The following NAALADL2 variants were observed in gnomAD, a reference collection of about 807,000 sequenced individuals.
NAALADL2 encodes the protein inactive N-acetylated-alpha-linked acidic dipeptidase-like protein 2.
NAALADL2 carries 76 observed loss-of-function variants against 87.2 expected under a neutral mutation model. The ratio of observed to expected loss-of-function variants is 0.87; its 90% CI spans 0.72 to 1.05. NAALADL2 has a LOEUF of 1.05. NAALADL2 is among the 50% of genes least tolerant of loss of function. NAALADL2 has a pLI of 0.00. For missense variants in NAALADL2, 1,089 were observed against 945.8 expected (o/e 1.15, Z -1.99); for synonymous variants, 354 against 331.0 (o/e 1.07, Z -0.75).
chr3:175,390,770 G>A (rs1330157757), intron 5 of NAALADL2, among the ~76,000 whole-genome samples: 2 of 152,052 alleles, frequency 1.3e-5, no homozygotes, highest in East Asian at 1.9e-4. Context: ...CTCTAGTTCA[G>A]GCAGTTAGCG....
chr3:175,423,053 T>TATATATATATA (rs1366026397), intron 5 of NAALADL2, among the ~76,000 whole-genome samples: 1 of 95,606 alleles, frequency 1.0e-5, no homozygotes, highest in Non-Finnish European at 1.9e-5. Flanking sequence ...ATATATATAT[T>TATATATATATA]TTTTTTTTTT....
chr3:175,164,130 A>T (rs1451595781), intron 2 of NAALADL2, among the ~76,000 whole-genome samples: 3 of 152,146 alleles, frequency 2.0e-5, no homozygotes, highest in Admixed American at 2.0e-4. Flanking sequence ...AAGACATTTT[A>T]AAAATGTCCA....
intron 5 of NAALADL2, among the ~76,000 whole-genome samples, chr3:175,365,610 T>C (rs10490875): frequency 6.8e-6 from 1 of 147,232 alleles, no homozygotes; most frequent in Non-Finnish European, 1.5e-5. Flanking sequence ...TGTTTGGTGG[T>C]CATCCTTCTC....
rs192946321 is a variant in NAALADL2 at position 174,509,819 on chromosome 3, A to G, written c.-183-40750A>G. 3.3e-5 allele frequency among the ~76,000 whole-genome samples: 5 copies of G among 151,846 alleles called. No individual in the cohort carries two copies. In the East Asian group the frequency reaches 9.7e-4, roughly 30 times the overall value. The stretch of plus-strand genomic sequence containing the variant: ...CCTTGATTATGCCCTTAAAGACCCT[A>G]TCTCCAAATACAGTCAGATTGAGGG... On this transcript the variant is annotated intron_variant, in intron 1 of 3. Transcript: ENST00000434257.
intron 10 of NAALADL2, among the ~76,000 whole-genome samples, chr3:175,577,092 G>A (rs998620369): frequency 6.6e-6 from 1 of 152,112 alleles, no homozygotes; most frequent in Non-Finnish European, 1.5e-5. Context: ...CTTATTATGT[G>A]TCTAATTCAT....
At chr3:175,271,608 A>G (rs1428353636) in intron 4 of NAALADL2, among the ~76,000 whole-genome samples, 3 of 152,142 alleles carry the variant, frequency 2.0e-5, no homozygotes, top group Non-Finnish European at 2.9e-5. Flanking sequence ...CCTGGCCAAG[A>G]TGGTGAAACC....
chr3:174,513,330 A>G (rs570734095), intron 1 of NAALADL2, among the ~76,000 whole-genome samples: 8 of 152,330 alleles, frequency 5.3e-5, no homozygotes, highest in Non-Finnish European at 1.2e-4. Context: ...TAGATAATTT[A>G]TTCTAAGTAT....
chr3:175,787,437 C>T (rs539971367), intron 13 of NAALADL2, among the ~76,000 whole-genome samples: 6 of 152,140 alleles, frequency 3.9e-5, no homozygotes, highest in South Asian at 2.1e-4. Context: ...TAAGCCGGTC[C>T]GAAAAGCACA....
intron 4 of NAALADL2, among the ~76,000 whole-genome samples, chr3:175,269,865 T>A (rs1415990068): frequency 6.6e-6 from 1 of 152,204 alleles, no homozygotes; most frequent in Admixed American, 6.5e-5. Context: ...ATCATGGTTC[T>A]TTACTACCAA....
intron 1 of NAALADL2, among the ~76,000 whole-genome samples, chr3:174,467,461 C>T (rs1253840190): frequency 1.3e-5 from 2 of 151,738 alleles, no homozygotes; most frequent in South Asian, 2.1e-4. Context: ...GGTGTGGTGG[C>T]GGATGCCTAT....
chr3:174,947,064 T>C (rs1739536414), intron 1 of NAALADL2, among the ~76,000 whole-genome samples: 1 of 152,160 alleles, frequency 6.6e-6, no homozygotes, highest in African/African-American at 2.4e-5. Flanking sequence ...ATCCTTGATA[T>C]ATAACTGTGC....
intron 1 of NAALADL2, among the ~76,000 whole-genome samples, chr3:174,521,834 A>T (rs1197287695): frequency 6.6e-6 from 1 of 152,110 alleles, no homozygotes; most frequent in Non-Finnish European, 1.5e-5. Flanking sequence ...TGCTGGATAC[A>T]TTGTTTATTA....
At chr3:174,614,509 T>G (rs747340742) in intron 2 of NAALADL2, among the ~76,000 whole-genome samples, 3 of 152,148 alleles carry the variant, frequency 2.0e-5, no homozygotes, top group Non-Finnish European at 4.4e-5. Flanking sequence ...CTCACCATTT[T>G]TGTGCTCTCC....
At chr3:175,123,487 C>T (rs1020917787) in intron 2 of NAALADL2, among the ~76,000 whole-genome samples, 54 of 151,888 alleles carry the variant, frequency 3.6e-4, no homozygotes, top group African/African-American at 1.3e-3. Flanking sequence ...CTCATTGTCA[C>T]ATATTAATTA....
In NAALADL2 at chr3:175,283,965, T is replaced by A. The variant is rs888441854; in HGVS notation, c.939+27435T>A. ...AGGACAAAAATGTTCTATTTGCTTT[T>A]TATAAACAGGAAAAAAAATAATTTA... On this transcript the variant is annotated intron_variant, in intron 4 of 13. Coordinates refer to ENST00000454872, the MANE Select transcript of NAALADL2 (RefSeq NM_207015.3). Among the ~76,000 whole-genome samples the A allele has an allele frequency of 3.8e-4, 55 of 146,302 alleles. 1 individual carries two copies. Among genetic ancestry groups the A allele is most frequent in the Admixed American group, 1.9e-3 (27 of 14,370 alleles).
At chr3:175,187,098 G>A (rs1203554398) in intron 2 of NAALADL2, among the ~76,000 whole-genome samples, 1 of 152,120 alleles carries the variant, frequency 6.6e-6, no homozygotes, top group Non-Finnish European at 1.5e-5. Flanking sequence ...AGGCCCTGAT[G>A]ACTGGATTGA....
chr3:174,808,931 T>G (rs1298659778), intron 3 of NAALADL2, among the ~76,000 whole-genome samples: 1 of 152,058 alleles, frequency 6.6e-6, no homozygotes, highest in Non-Finnish European at 1.5e-5. Flanking sequence ...ATCTTCAGCT[T>G]GAGTGATATG....
intron 3 of NAALADL2, among the ~76,000 whole-genome samples, chr3:174,801,664 C>A (rs1252010662): frequency 6.6e-6 from 1 of 151,976 alleles, no homozygotes; most frequent in Non-Finnish European, 1.5e-5. Context: ...GAGGAAGTTT[C>A]CTTCTATTCC....
intron 5 of NAALADL2, among the ~76,000 whole-genome samples, chr3:175,369,791 G>A (rs1470571142): frequency 2.0e-5 from 3 of 152,128 alleles, no homozygotes; most frequent in African/African-American, 7.2e-5. Flanking sequence ...GAATTATTAG[G>A]TAATCATATC....
Sources: allele counts gnomAD v4.1 joint callset (sites outside exome capture counted in the v4.1 genomes callset), GRCh38; gene constraint gnomAD v4.1.1; transcripts MANE v1.5; gene names NCBI Gene and HGNC (gene_info 2026-07-23, HGNC 2026-07-21).